The following CAPN5 variants were observed in gnomAD, a reference collection of about 807,000 sequenced individuals.
CAPN5 encodes calpain-5.
In CAPN5, 54 loss-of-function variants were observed where a neutral mutation model predicts 73.0. That is an observed-to-expected ratio of 0.74 (90% confidence interval 0.59 to 0.93). The LOEUF (loss-of-function observed/expected upper bound fraction) is 0.93. Among genes scored for constraint, CAPN5 ranks in the 40% least tolerant of loss-of-function variants. The pLI is 0.00. For missense variants in CAPN5, 785 were observed against 882.9 expected, an observed-to-expected ratio of 0.89 and a Z score of 1.41; for synonymous variants, 335 against 356.9, an observed-to-expected ratio of 0.94 and a Z score of 0.69.
chr11:77,069,815 G>A (rs143441710), intron 1 of CAPN5, among the ~76,000 whole-genome samples: 2 of 152,264 alleles, frequency 1.3e-5, no homozygotes, highest in East Asian at 3.9e-4. Flanking sequence ...CTCCATCCCT[G>A]GTCCCCGCTC....
In CAPN5 at chr11:77,116,078, G is replaced by T. The variant is rs78978489; in HGVS notation, c.894-148G>T. The T allele has an allele frequency of 1.1e-3, 792 of 692,842 alleles. 3 individuals carry two copies. In the African/African-American group the frequency reaches 0.012, roughly 10 times the overall value. The allele number at this position is 692,842 out of a possible 1,614,324, so 42.9% of individuals were successfully genotyped here. On this transcript the variant is annotated intron_variant, in intron 6 of 12. Coordinates refer to ENST00000648180, the MANE Select transcript of CAPN5 (RefSeq NM_004055.5). ...GGCAGGGCTTCCTGGAGAGGGGCTGGGCATGGCCTCAGTGCCCCTGGCCAC... is the reference window on the plus strand; with the variant it reads ...GGCAGGGCTTCCTGGAGAGGGGCTGTGCATGGCCTCAGTGCCCCTGGCCAC...
chr11:77,087,094 G>A (rs114921063), intron 2 of CAPN5, among the ~76,000 whole-genome samples: 1,592 of 152,332 alleles, frequency 0.01, 31 homozygotes, highest in African/African-American at 0.036. Context: ...TGTGAGTGGG[G>A]CCCAAGGGGC....
intron 3 of CAPN5, among the ~76,000 whole-genome samples, chr11:77,101,987 C>A (rs910865513): frequency 2.6e-5 from 4 of 152,196 alleles, no homozygotes; most frequent in Non-Finnish European, 5.9e-5. Context: ...GCACAGCCAG[C>A]CATCAGTGTC....
chr11:77,098,771 C>CGG (rs1402351583), intron 3 of CAPN5, among the ~76,000 whole-genome samples: 16 of 18,752 alleles, frequency 8.5e-4, no homozygotes, highest in East Asian at 4.0e-3. Flanking sequence ...GCTGGCCGGG[C>CGG]GGGGGGGCTG....
chr11:77,099,757 G>A (rs142731498), intron 3 of CAPN5, among the ~76,000 whole-genome samples: 4 of 150,218 alleles, frequency 2.7e-5, no homozygotes, highest in African/African-American at 9.9e-5. Flanking sequence ...GAGACGGAGA[G>A]GGAGACGGAG....
chr11:77,123,789 C>T lies in CAPN5; in HGVS notation c.1842C>T (p.Asp614=), dbSNP rs1950548031. ...LQALHTLHLR[D]RNSRQPSNLP... Reference sequence around the variant, plus strand: ...CCCTGCATACCCTCCACCTCCGGGACCGAAATAGCCGGCAGCCCAGCAACC... The same window carrying T: ...CCCTGCATACCCTCCACCTCCGGGATCGAAATAGCCGGCAGCCCAGCAACC... Residue 614 remains aspartate, a synonymous_variant, in exon 13 of 13, where the codon GAC becomes GAT. Transcript: ENST00000648180. 1.9e-6 allele frequency: 3 copies of T among 1,613,970 alleles called. No homozygotes were observed. The highest frequency in any genetic ancestry group is 4.5e-5 in the East Asian group (2 of 44,878).
intron 2 of CAPN5, among the ~76,000 whole-genome samples, chr11:77,089,904 C>T (rs373610151): frequency 1.3e-5 from 2 of 152,078 alleles, no homozygotes; most frequent in South Asian, 4.1e-4. Flanking sequence ...AACAAACAAA[C>T]AAAAAACCTA....
At chr11:77,071,223 C>T (rs532066577) in intron 1 of CAPN5, among the ~76,000 whole-genome samples, 1 of 152,212 alleles carries the variant, frequency 6.6e-6, no homozygotes, top group Non-Finnish European at 1.5e-5. Context: ...TCCCCTCCAG[C>T]CTGGGAGCCT....
At position 77,116,314 on chromosome 11, in the gene CAPN5, A is replaced by G. The variant is rs11604536; in HGVS notation, c.971+11A>G. On this transcript the variant is annotated intron_variant, in intron 7 of 12. Coordinates refer to ENST00000648180, the MANE Select transcript of CAPN5 (RefSeq NM_004055.5). ...CGACGGTGAGTTCTGGTGAGTGTGT[A>G]TGTGCCCTGGGCGTCCGGGGCTGAG... The G allele has an allele frequency of 0.27, 431,219 of 1,607,764 alleles. 60,560 individuals carry two copies. Among genetic ancestry groups the G allele is most frequent in the African/African-American group, 0.45 (33,831 of 74,764 alleles).
At chr11:77,067,999 G>C (rs1007681920) in intron 1 of CAPN5, among the ~76,000 whole-genome samples, 1 of 152,052 alleles carries the variant, frequency 6.6e-6, no homozygotes, top group African/African-American at 2.4e-5. Context: ...CTGTGGTTTA[G>C]AGAGAAAAGT....
intron 3 of CAPN5, chr11:77,102,866 G>C: frequency 6.2e-7 from 1 of 1,605,120 alleles, no homozygotes; most frequent in Non-Finnish European, 8.5e-7. Context: ...CGCAGCAGCC[G>C]CAGCTGGACA....
Position 77,068,017 on chromosome 11 carries a change from G to A in CAPN5, c.-36+923G>A, listed in dbSNP as rs539677596. On this transcript the variant is annotated intron_variant, in intron 1 of 12. Coordinates refer to ENST00000648180, the MANE Select transcript of CAPN5 (RefSeq NM_004055.5). ...TGGTTTAGAGAGAAAAGTACTGAGG[G>A]CGACTATCCCAGGACTCAGGGGAAA... Among the ~76,000 whole-genome samples, 3 of 152,234 alleles carry A rather than the reference G, an allele frequency of 2.0e-5. No individual in the cohort carries two copies. The East Asian group carries it at 5.8e-4, about 29-fold the overall frequency.
intron 3 of CAPN5, among the ~76,000 whole-genome samples, chr11:77,097,088 G>C (rs1555037576): frequency 3.9e-5 from 6 of 152,192 alleles, no homozygotes; most frequent in Non-Finnish European, 2.9e-5. Flanking sequence ...CAGGCGTGGT[G>C]GTGGGCGCCT....
chr11:77,124,209 G>C lies in CAPN5; in HGVS notation c.*339G>C, dbSNP rs529554544. 39 of 261,828 alleles carry C rather than the reference G, an allele frequency of 1.5e-4. No homozygotes were observed. In the South Asian group the frequency reaches 1.8e-3, roughly 12 times the overall value. The allele number at this position is 261,828 out of a possible 1,614,324, so 16.2% of individuals were successfully genotyped here. Reference sequence around the variant, plus strand: ...AAGAAGATGTCACTTGTTTACACACGAACTGCCACATCCCCAAGCTCCGTT... The same window carrying C: ...AAGAAGATGTCACTTGTTTACACACCAACTGCCACATCCCCAAGCTCCGTT... On this transcript the variant is annotated 3_prime_UTR_variant, in exon 13 of 13. Transcript: ENST00000648180.
At chr11:77,081,645 A>ATG (rs1302042266) in intron 1 of CAPN5, among the ~76,000 whole-genome samples, 1 of 152,132 alleles carries the variant, frequency 6.6e-6, no homozygotes, top group African/African-American at 2.4e-5. Context: ...CATGCAGACC[A>ATG]GTGAGGTAAT....
chr11:77,119,929 G>C (rs1362236478), intron 9 of CAPN5: 3 of 152,266 alleles, frequency 2.0e-5, no homozygotes, highest in African/African-American at 7.2e-5. Context: ...CCTGGCAGCT[G>C]GTGATGGCAT....
Position 77,123,780 on chromosome 11 carries a change from C to T in CAPN5, c.1833C>T (p.His611=). The T allele has an allele frequency of 6.2e-7, 1 of 1,613,982 alleles. No individual in the cohort carries two copies. Among genetic ancestry groups the T allele is most frequent in the Non-Finnish European group, 8.5e-7 (1 of 1,180,006 alleles). The change falls in exon 13 of 13, where the codon CAC becomes CAT. Residue 611 remains histidine (H), a synonymous_variant. Coordinates refer to ENST00000648180, the MANE Select transcript of CAPN5 (RefSeq NM_004055.5). ...PDNLQALHTL[H]LRDRNSRQPS... ...ACCTCCAGGCCCTGCATACCCTCCA[C>T]CTCCGGGACCGAAATAGCCGGCAGC...
chr11:77,075,060 C>G (rs572431798), intron 1 of CAPN5, among the ~76,000 whole-genome samples: 1 of 152,348 alleles, frequency 6.6e-6, no homozygotes. Context: ...CTCCGCAAGA[C>G]AGCCGTGACC....
Position 77,082,474 on chromosome 11 carries a change from C to T in CAPN5, c.-35-2378C>T, listed in dbSNP as rs140215280. ...CTCTGCCTGGGGCTAGCAGAGGAGA[C>T]CTGACCCTGTCGGGGTGTTGGCCCC... On this transcript the variant is annotated intron_variant, in intron 1 of 12. Transcript: ENST00000648180. Among the ~76,000 whole-genome samples, 561 of 152,336 alleles carry T rather than the reference C, an allele frequency of 3.7e-3. 5 individuals are homozygous for T. Among genetic ancestry groups the T allele is most frequent in the African/African-American group, 0.013 (537 of 41,568 alleles).
Sources: gnomAD v4.1 joint callset for allele counts (sites outside exome capture counted in the v4.1 genomes callset) on GRCh38, gnomAD v4.1.1 for gene constraint, MANE v1.5 for transcripts, NCBI Gene and HGNC (gene_info 2026-07-23, HGNC 2026-07-21) for gene names.